OLFML1: variants seen among roughly 807,000 people sequenced by gnomAD.
OLFML1 encodes olfactomedin-like protein 1.
OLFML1 carries 33 observed loss-of-function variants against 37.3 expected under a neutral mutation model. The ratio of observed to expected loss-of-function variants is 0.88; its 90% confidence interval spans 0.67 to 1.18. The LOEUF (loss-of-function observed/expected upper bound fraction) is 1.18, where lower values mean the gene tolerates loss of function less well. Ranked by LOEUF, OLFML1 falls within the 50% of genes most tolerant of loss-of-function variation. The pLI is 0.00. For synonymous variants in OLFML1, 186 were observed against 181.3 expected (o/e 1.03, Z -0.21); for missense variants, 545 against 483.7 (o/e 1.13, Z -1.19).
chr11:7,505,298 TG>T (rs1848773291), intron 2 of OLFML1, among the ~76,000 whole-genome samples: 1 of 152,086 alleles, frequency 6.6e-6, no homozygotes, highest in Non-Finnish European at 1.5e-5. Flanking sequence ...AGTGCTCAGT[TG>T]TCCTTTAAAG....
At chr11:7,498,868 C>G (rs1037198783) in intron 2 of OLFML1, among the ~76,000 whole-genome samples, 1 of 152,138 alleles carries the variant, frequency 6.6e-6, no homozygotes, top group Non-Finnish European at 1.5e-5. Flanking sequence ...GTTATTAAGA[C>G]GTGACTTCTC....
intron 2 of OLFML1, among the ~76,000 whole-genome samples, chr11:7,499,931 C>A (rs1373923028): frequency 1.3e-5 from 2 of 152,168 alleles, no homozygotes; most frequent in Non-Finnish European, 2.9e-5. Flanking sequence ...CCCTCTGTTG[C>A]CCAGGCTAGA....
rs768937606 is a variant in OLFML1 at position 7,488,259 on chromosome 11, T to C, written c.262T>C (p.Leu88=). The C allele has an allele frequency of 6.2e-7, 1 of 1,614,016 alleles. No homozygotes were observed. The highest frequency in any genetic ancestry group is 8.5e-7 in the Non-Finnish European group (1 of 1,180,018). Residue 88 remains leucine, a synonymous_variant, in exon 2 of 3, where the codon TTG becomes CTG. Coordinates refer to ENST00000329293, the MANE Select transcript of OLFML1 (RefSeq NM_198474.4). ...TGAGTACAAGAGTGCAGTGGGTAAC[T>C]TGGCACTGAGAGTTGAACGTGCCCA... ...TSEYKSAVGN[L]ALRVERAQRE... is the part of the protein sequence containing the mutation.
At chr11:7,494,382 T>C (rs1021893941) in intron 2 of OLFML1, among the ~76,000 whole-genome samples, 5 of 152,248 alleles carry the variant, frequency 3.3e-5, no homozygotes, top group Non-Finnish European at 7.3e-5. Context: ...CCACACATAA[T>C]CCTTAAGCAT....
intron 2 of OLFML1, among the ~76,000 whole-genome samples, chr11:7,489,904 A>G (rs1848574888): frequency 6.6e-6 from 1 of 151,988 alleles, no homozygotes; most frequent in African/African-American, 2.4e-5. Context: ...TAATTTTGAA[A>G]CCATTTAGTT....
Position 7,509,405 on chromosome 11 carries a change from C to A in OLFML1, c.426C>A (p.Asp142Glu). ...KIRTLLNASCDNMLMGIKSLK... is the reference protein window; with the variant it reads ...KIRTLLNASCENMLMGIKSLK... ...TTTCTCCTGTTTGGCCAGGCTGTGA[C>A]AACATGCTGATGGGCATAAAGTCTT... Residue 142 changes from aspartate (D) to glutamate (E), a missense_variant, in exon 3 of 3, where the codon GAC becomes GAA. Physicochemically the swap from Asp to Glu is conservative, Grantham distance 45. Transcript: ENST00000329293. 6.2e-7 allele frequency: 1 copy of A among 1,602,106 alleles called. No homozygotes were observed. The highest frequency in any genetic ancestry group is 8.5e-7 in the Non-Finnish European group (1 of 1,173,028).
chr11:7,487,578 C>T (rs1259495512), intron 1 of OLFML1, among the ~76,000 whole-genome samples: 2 of 152,160 alleles, frequency 1.3e-5, no homozygotes, highest in East Asian at 3.8e-4. Flanking sequence ...GTGCCAAGTG[C>T]TAGGGACGGA....
At chr11:7,496,427 G>A (rs969182829) in intron 2 of OLFML1, among the ~76,000 whole-genome samples, 1 of 152,190 alleles carries the variant, frequency 6.6e-6, no homozygotes, top group African/African-American at 2.4e-5. Context: ...TGAAAGCAGT[G>A]AGTCAGGCAT....
rs1051336225 is a variant in OLFML1 at position 7,488,396 on chromosome 11, C to A, written c.399C>A (p.Ile133=). Residue 133 remains isoleucine (I), a synonymous_variant, in exon 2 of 3, where the codon ATC becomes ATA. Coordinates refer to ENST00000329293, the MANE Select transcript of OLFML1 (RefSeq NM_198474.4). ...AAGAAGCTGAAGAAGAGAAAAAGAT[C>A]CGGACTCTGCTGAATGCAAGTAAGA... ...LLQEAEEEKK[I]RTLLNASCDN... The A allele has an allele frequency of 6.2e-7, 1 of 1,613,174 alleles. No homozygotes were observed. Among genetic ancestry groups the A allele is most frequent in the Non-Finnish European group, 8.5e-7 (1 of 1,179,592 alleles).
chr11:7,486,683 C>A (rs562474461), intron 1 of OLFML1, among the ~76,000 whole-genome samples: 1 of 152,316 alleles, frequency 6.6e-6, no homozygotes, highest in African/African-American at 2.4e-5. Context: ...TCCACCCTAG[C>A]CTTTGCCACA....
intron 2 of OLFML1, among the ~76,000 whole-genome samples, chr11:7,494,297 T>A (rs1244025134): frequency 6.6e-6 from 1 of 152,218 alleles, no homozygotes; most frequent in African/African-American, 2.4e-5. Flanking sequence ...GTTAAACTAG[T>A]TCACACTTGC....
intron 2 of OLFML1, among the ~76,000 whole-genome samples, chr11:7,495,230 T>C (rs1380465909): frequency 6.6e-6 from 1 of 152,082 alleles, no homozygotes; most frequent in Non-Finnish European, 1.5e-5. Flanking sequence ...CATTTCTCCC[T>C]GTTTCAGGGC....
chr11:7,509,283 C>T, intron 2 of OLFML1, 115 bp from the exon 3 acceptor site: 1 of 738,712 alleles, frequency 1.4e-6, no homozygotes, highest in South Asian at 1.9e-5. Context: ...TGAAAATATT[C>T]CCCATCAGTA....
rs747718879 is a variant in OLFML1, at chr11:7,488,156, G to A, written c.159G>A (p.Thr53=). Residue 53 remains threonine, a synonymous_variant, in exon 2 of 3, where the codon ACG becomes ACA. Coordinates refer to ENST00000329293, the MANE Select transcript of OLFML1 (RefSeq NM_198474.4). The part of the protein sequence containing the change: ...EQGLEKCTQA[T]RAYIQEFQEF... The stretch of plus-strand genomic sequence containing the variant: ...GGCTGGAAAAATGTACCCAAGCAAC[G>A]AGGGCATACATTCAAGAATTCCAAG... The A allele has an allele frequency of 2.0e-5, 33 of 1,610,494 alleles. No homozygotes were observed. Among genetic ancestry groups the A allele is most frequent in the South Asian group, 7.7e-5 (7 of 90,618 alleles).
chr11:7,509,462 T>A lies in OLFML1; in HGVS notation c.483T>A (p.His161Gln). ...TAGTGAAGAAGATGATGGACACACATGGCTCTTGGATGAAAGATGCTGTCT... is the reference window on the plus strand; with the variant it reads ...TAGTGAAGAAGATGATGGACACACAAGGCTCTTGGATGAAAGATGCTGTCT... ...LKIVKKMMDTHGSWMKDAVYN... is the reference protein window; with the variant it reads ...LKIVKKMMDTQGSWMKDAVYN... Residue 161 changes from histidine to glutamine, a missense_variant, in exon 3 of 3, where the codon CAT becomes CAA. Coordinates refer to ENST00000329293, the MANE Select transcript of OLFML1 (RefSeq NM_198474.4). 6.2e-7 allele frequency: 1 copy of A among 1,614,060 alleles called. No homozygotes were observed. Among genetic ancestry groups the A allele is most frequent in the East Asian group, 2.2e-5 (1 of 44,878 alleles).
At chr11:7,493,665 G>A (rs1261309503) in intron 2 of OLFML1, among the ~76,000 whole-genome samples, 4 of 152,188 alleles carry the variant, frequency 2.6e-5, no homozygotes, top group African/African-American at 9.6e-5. Context: ...GGTTCAGAAA[G>A]GCCCACGTAC....
chr11:7,494,364 A>T (rs1332880503), intron 2 of OLFML1, among the ~76,000 whole-genome samples: 1 of 152,240 alleles, frequency 6.6e-6, no homozygotes, highest in East Asian at 1.9e-4. Flanking sequence ...CTGAATGCGT[A>T]TTATGTACCA....
intron 2 of OLFML1, among the ~76,000 whole-genome samples, chr11:7,493,468 AAAG>A (rs1179410050): frequency 1.3e-5 from 2 of 152,272 alleles, no homozygotes; most frequent in East Asian, 1.9e-4. Flanking sequence ...GTTTACCACA[AAAG>A]AAGGGATTCA....
chr11:7,509,744 G>T lies in OLFML1; in HGVS notation c.765G>T (p.Gly255=), dbSNP rs1848833593. 1 of 1,614,122 alleles carries T rather than the reference G, an allele frequency of 6.2e-7. No homozygotes were observed. The highest frequency in any genetic ancestry group is 8.5e-7 in the Non-Finnish European group (1 of 1,180,050). Residue 255 remains glycine, a synonymous_variant, in exon 3 of 3, where the codon GGG becomes GGT. Transcript: ENST00000329293. ...AAGATCGAATGCTGCTCCCAGGAGG[G>T]GTAGGCCGAGCATTGGTTTACCAGC... ...TVEDRMLLPG[G]VGRALVYQHS...
Sources: gnomAD v4.1 joint callset for allele counts (sites outside exome capture counted in the v4.1 genomes callset) on GRCh38, gnomAD v4.1.1 for gene constraint, MANE v1.5 for transcripts, NCBI Gene and HGNC (gene_info 2026-07-23, HGNC 2026-07-21) for gene names.